Variants in DAPK3 observed in about 807,000 individuals in gnomAD.
DAPK3 encodes death associated protein kinase 3.
A neutral mutation model predicts 30.6 loss-of-function variants in DAPK3; 24 were observed. The observed-to-expected ratio is 0.78, with a 90% confidence interval of 0.57 to 1.10. DAPK3 has a LOEUF of 1.10. Ranked by LOEUF, DAPK3 falls within the 50% of genes least tolerant of loss-of-function variation. DAPK3 has a pLI of 0.00. For synonymous variants in DAPK3, 341 were observed against 284.0 expected (o/e 1.20, Z -2.02); for missense variants, 629 against 657.3 (o/e 0.96, Z 0.47).
intron 6 of DAPK3, 113 bp downstream of exon 6, chr19:3,963,530 C>T (rs1055880644): frequency 3.2e-6 from 2 of 618,064 alleles, no homozygotes; most frequent in Admixed American, 6.7e-5. Context: ...CCTGAGTACC[C>T]GCGATGGGTC....
chr19:3,959,434 GCGCT>G lies in DAPK3; in HGVS notation c.1028_1031del (p.Gln343ProfsTer84). 6.4e-7 allele frequency: 1 copy of G among 1,551,560 alleles called. No individual in the cohort carries two copies. The highest frequency in any genetic ancestry group is 8.7e-7 in the Non-Finnish European group (1 of 1,155,318). ...CGTCCTCGTGGCAGAGCCGCCGGCT[GCGCT>G]GCAGCTCGCGCAGGCCCTCCTCGGC... On this transcript the variant is annotated frameshift_variant, in exon 9 of 9. Transcript: ENST00000545797. LOFTEE classifies it low-confidence loss of function (END_TRUNC).
intron 2 of DAPK3, among the ~76,000 whole-genome samples, chr19:3,966,959 G>A (rs2039583820): frequency 1.3e-5 from 2 of 152,110 alleles, no homozygotes; most frequent in Non-Finnish European, 1.5e-5. Context: ...AACTCCCCAA[G>A]AGCTGAGCCC....
chr19:3,964,157 A>G lies in DAPK3; in HGVS notation c.553+87T>C, dbSNP rs2039548693. Reference sequence around the variant, plus strand: ...CTTCAGGGCCGAGGACGCGGCACCCAGCACCGGGCATGACCCACCCCACGC... The same window carrying G: ...CTTCAGGGCCGAGGACGCGGCACCCGGCACCGGGCATGACCCACCCCACGC... On this transcript the variant is annotated intron_variant, in intron 4 of 8. Coordinates refer to ENST00000545797, the MANE Select transcript of DAPK3 (RefSeq NM_001348.3). 15 of 1,228,568 alleles carry G rather than the reference A, an allele frequency of 1.2e-5. No individual in the cohort carries two copies. The South Asian group carries it at 2.0e-4, about 16-fold the overall frequency. The allele number at this position is 1,228,568 out of a possible 1,614,324, so 76.1% of individuals were successfully genotyped here. A position where few individuals can be genotyped will look rare whatever the true frequency, so the allele number is the denominator to read the frequency against.
chr19:3,959,664 G>A (rs749505415), intron 8 of DAPK3, 27 bp from the exon 9 acceptor site: 7 of 1,537,632 alleles, frequency 4.6e-6, no homozygotes, highest in Middle Eastern at 2.0e-4. Context: ...CCTGAGCGGG[G>A]TCCCCGCGAT....
rs200699816 is a variant in DAPK3 at position 3,961,178 on chromosome 19, G to A, written c.630-17C>T. Reference sequence around the variant, plus strand: ...CCGCTCAGGCTGCGAGACAGGCGTGGGGGCTCAGTGGGGTCCTGGGCTCCC... The same window carrying A: ...CCGCTCAGGCTGCGAGACAGGCGTGAGGGCTCAGTGGGGTCCTGGGCTCCC... On this transcript the variant is annotated splice_polypyrimidine_tract_variant and intron_variant, in intron 6 of 8. Transcript: ENST00000545797. 1.3e-4 allele frequency: 202 copies of A among 1,603,998 alleles called. No homozygotes were observed. Among genetic ancestry groups the A allele is most frequent in the East Asian group, 6.3e-4 (28 of 44,644 alleles).
rs765792982 is a variant in DAPK3, at chr19:3,958,575, C to T, written c.*526G>A. 1 of 452,458 alleles carries T rather than the reference C, an allele frequency of 2.2e-6. No individual in the cohort carries two copies. Among genetic ancestry groups the T allele is most frequent in the Admixed American group, 2.4e-5 (1 of 42,056 alleles). 28.0% of individuals were successfully genotyped at this position (452,458 alleles called of 1,614,324 possible). On this transcript the variant is annotated 3_prime_UTR_variant, in exon 9 of 9. Coordinates refer to ENST00000545797, the MANE Select transcript of DAPK3 (RefSeq NM_001348.3). ...GCAGGGCACCCCACACCCGGGGGAC[C>T]GGCCTCGGCGAGAAGGGCACACAGT...
Position 3,959,026 on chromosome 19 carries a change from C to T in DAPK3, c.*75G>A, listed in dbSNP as rs188537565. 497 of 961,826 alleles carry T rather than the reference C, an allele frequency of 5.2e-4. 3 individuals are homozygous for T. In the African/African-American group the frequency reaches 7.9e-3, roughly 15 times the overall value. 59.6% of individuals were successfully genotyped at this position (961,826 alleles called of 1,614,324 possible). A position where few individuals can be genotyped will look rare whatever the true frequency, so the allele number is the denominator to read the frequency against. ...GGACAGGCACCCGGGCGATGGGAGG[C>T]GCAGCGTCCACAGGAAGCGCCCCCA... On this transcript the variant is annotated 3_prime_UTR_variant, in exon 9 of 9. Transcript: ENST00000545797.
Position 3,960,484 on chromosome 19 carries a change from A to C in DAPK3, c.783-380T>G, listed in dbSNP as rs2039497901. Among the ~76,000 whole-genome samples the C allele has an allele frequency of 2.0e-5, 3 of 152,238 alleles. No homozygotes were observed. In the South Asian group the frequency reaches 6.2e-4, roughly 32 times the overall value. ...CTAATTAAAAGTTTGCTAAAAACACAGCAAGCAGCCAGACACGGTGTCTCA... is the reference window on the plus strand; with the variant it reads ...CTAATTAAAAGTTTGCTAAAAACACCGCAAGCAGCCAGACACGGTGTCTCA... On this transcript the variant is annotated intron_variant, in intron 7 of 8. Transcript: ENST00000545797.
intron 6 of DAPK3, 111 bp from the exon 7 acceptor site, chr19:3,961,272 G>T: frequency 1.2e-6 from 1 of 868,686 alleles, no homozygotes; most frequent in Non-Finnish European, 1.9e-6. Flanking sequence ...GACGGCAGGT[G>T]CCTGGGCCAC....
At position 3,969,728 on chromosome 19, in the gene DAPK3, G is replaced by A. The variant is rs1051045261; in HGVS notation, c.8C>T (p.Thr3Met). 67 of 1,611,356 alleles carry A rather than the reference G, an allele frequency of 4.2e-5. No homozygotes were observed. The highest frequency in any genetic ancestry group is 5.4e-5 in the Non-Finnish European group (64 of 1,178,694). Reference sequence around the variant, plus strand: ...GTCCTCCACGTCCTCCTGCCTGAACGTGGACATGGCGGCCGGTCCGCCTTC... The same window carrying A: ...GTCCTCCACGTCCTCCTGCCTGAACATGGACATGGCGGCCGGTCCGCCTTC... MS[T>M]FRQEDVEDHY... is the part of the protein sequence containing the mutation. Residue 3 changes from threonine to methionine, a missense_variant, in exon 2 of 9, where the codon ACG becomes ATG. Coordinates refer to ENST00000545797, the MANE Select transcript of DAPK3 (RefSeq NM_001348.3).
intron 8 of DAPK3, 132 bp downstream of exon 8, chr19:3,959,927 A>C: frequency 1.4e-6 from 1 of 728,876 alleles, no homozygotes; most frequent in Admixed American, 2.1e-5. Context: ...ACACAGGCTC[A>C]CTCCTCTGGG....
Position 3,959,625 on chromosome 19 carries a change from G to C in DAPK3, c.841C>G (p.Arg281Gly), listed in dbSNP as rs1207215208. ...EHSWIKAIRR[R>G]NVRGEDSGRK... ...CCGCTGTCCTCACCACGCACGTTCC[G>C]CCGCCGGATCGCCTAGGAAGGAGGG... The change falls in exon 9 of 9, where the codon CGG becomes GGG. Residue 281 changes from arginine to glycine, a missense_variant. By Grantham distance (125) the Arg-to-Gly change is moderately radical. Transcript: ENST00000545797. 2 of 1,579,908 alleles carry C rather than the reference G, an allele frequency of 1.3e-6. No homozygotes were observed. The highest frequency in any genetic ancestry group is 1.7e-6 in the Non-Finnish European group (2 of 1,169,704).
rs530267886 is a variant in DAPK3 at position 3,962,838 on chromosome 19, C to T, written c.629+805G>A. ...TTAGCCAGCTGGGTGCAGCGGCCCA[C>T]GCCTGTAATCCCAGCACTTTGGGAA... On this transcript the variant is annotated intron_variant, in intron 6 of 8. Transcript: ENST00000545797. Among the ~76,000 whole-genome samples the T allele has an allele frequency of 2.6e-5, 4 of 151,164 alleles. No homozygotes were observed. In the South Asian group the frequency reaches 6.3e-4, roughly 24 times the overall value.
In DAPK3 at chr19:3,959,484, C is replaced by A. The variant is rs778568680; in HGVS notation, c.982G>T (p.Val328Leu). ...TCGGCGGCCGCCGCCTCCTCCAGCA[C>A]CTTGGAGAAGCGCTCGAAGTCGGCG... ...SYADFERFSKVLEEAAAAEEG... is the reference protein window; with the variant it reads ...SYADFERFSKLLEEAAAAEEG... The change falls in exon 9 of 9, where the codon GTG becomes TTG. Residue 328 changes from valine to leucine, a missense_variant. By Grantham distance (32) the Val-to-Leu change is conservative (BLOSUM62 1). This residue lies in a region of DAPK3 where 323 missense variants were observed against 278.8 expected (regional missense o/e 1.16). Coordinates refer to ENST00000545797, the MANE Select transcript of DAPK3 (RefSeq NM_001348.3). The A allele has an allele frequency of 6.4e-7, 1 of 1,553,296 alleles. No homozygotes were observed. Among genetic ancestry groups the A allele is most frequent in the South Asian group, 1.2e-5 (1 of 85,630 alleles).
chr19:3,959,479 C>T lies in DAPK3; in HGVS notation c.987G>A (p.Leu329=), dbSNP rs1164961333. The T allele has an allele frequency of 6.4e-7, 1 of 1,551,624 alleles. No homozygotes were observed. The highest frequency in any genetic ancestry group is 2.4e-5 in the East Asian group (1 of 42,436). The change falls in exon 9 of 9, where the codon CTG becomes CTA. Residue 329 remains leucine (L), a synonymous_variant. Transcript: ENST00000545797. ...YADFERFSKV[L]EEAAAAEEGL... The stretch of plus-strand genomic sequence containing the variant: ...CCTCCTCGGCGGCCGCCGCCTCCTC[C>T]AGCACCTTGGAGAAGCGCTCGAAGT...
chr19:3,961,353 C>A lies in DAPK3; in HGVS notation c.630-192G>T, dbSNP rs555113058. The A allele has an allele frequency of 1.5e-5, 11 of 712,766 alleles. No homozygotes were observed. In the Middle Eastern group the frequency reaches 7.2e-4, roughly 47 times the overall value. The allele number at this position is 712,766 out of a possible 1,614,324, so 44.2% of individuals were successfully genotyped here. ...CCACCCAAGAGGCATTCAAAATCCACCCCCCCACCCCGCCACTGACAGCAG... is the reference window on the plus strand; with the variant it reads ...CCACCCAAGAGGCATTCAAAATCCAACCCCCCACCCCGCCACTGACAGCAG... On this transcript the variant is annotated intron_variant, in intron 6 of 8. Transcript: ENST00000545797.
chr19:3,963,725 G>C (rs375511991), intron 5 of DAPK3, 56 bp from the exon 6 acceptor site: 2 of 1,453,552 alleles, frequency 1.4e-6, no homozygotes, highest in Non-Finnish European at 9.3e-7. Flanking sequence ...CACCCTCCCA[G>C]GACCGTGGCG....
In DAPK3 at chr19:3,958,880, G is replaced by GAAGGCC. The variant is rs1277806886; in HGVS notation, c.*215_*220dup. ...TCACCGACGATGCAGGGGTGAAGGTGAAGGCCAGCGTGGAGGCTGTGTAGA... is the reference window on the plus strand; with the variant it reads ...TCACCGACGATGCAGGGGTGAAGGTGAAGGCCAAGGCCAGCGTGGAGGCTGTGTAGA... On this transcript the variant is annotated 3_prime_UTR_variant, in exon 9 of 9. Coordinates refer to ENST00000545797, the MANE Select transcript of DAPK3 (RefSeq NM_001348.3). 9 of 581,426 alleles carry GAAGGCC rather than the reference G, an allele frequency of 1.5e-5. No individual in the cohort carries two copies. The highest frequency in any genetic ancestry group is 2.7e-5 in the Non-Finnish European group (9 of 328,068). 36.0% of individuals were successfully genotyped at this position (581,426 alleles called of 1,614,324 possible).
In DAPK3 at chr19:3,969,838, G is replaced by A. The variant is rs2039616534; in HGVS notation, c.-94-9C>T. On this transcript the variant is annotated splice_polypyrimidine_tract_variant and intron_variant, in intron 1 of 8. Coordinates refer to ENST00000545797, the MANE Select transcript of DAPK3 (RefSeq NM_001348.3). Reference sequence around the variant, plus strand: ...GTCCCCTAATGGCAACCCTGGAGAAGACAGGGAAAGACAGAAGTGAGGAAC... The same window carrying A: ...GTCCCCTAATGGCAACCCTGGAGAAAACAGGGAAAGACAGAAGTGAGGAAC... The A allele has an allele frequency of 4.0e-6, 3 of 746,982 alleles. No homozygotes were observed. Among genetic ancestry groups the A allele is most frequent in the Admixed American group, 4.0e-5 (2 of 49,400 alleles). The allele number at this position is 746,982 out of a possible 1,614,324, so 46.3% of individuals were successfully genotyped here.
Sources: allele counts gnomAD v4.1 joint callset (sites outside exome capture counted in the v4.1 genomes callset), GRCh38; gene constraint gnomAD v4.1.1; regional missense constraint gnomAD v4.1.1; transcripts MANE v1.5; gene names NCBI Gene and HGNC (gene_info 2026-07-23, HGNC 2026-07-21).